Variants in SLC4A11 observed in about 807,000 individuals in gnomAD.
The protein encoded by SLC4A11 is solute carrier family 4 member 11, also known as bicarbonate transporter related protein 1.
In SLC4A11, 74 loss-of-function variants were observed where a neutral mutation model predicts 95.0. That is an observed-to-expected ratio of 0.78 (90% CI 0.65 to 0.95). SLC4A11 has a LOEUF of 0.95. Ranked by LOEUF, SLC4A11 falls within the 40% of genes least tolerant of loss-of-function variation. The probability of loss-of-function intolerance (pLI) is 0.00; values close to 1 mark genes in which losing one functional copy is unlikely to be tolerated. For synonymous variants in SLC4A11, 548 were observed against 519.0 expected (o/e 1.06, Z -0.76); for missense variants, 1,081 against 1,192.4 (o/e 0.91, Z 1.38).
At chr20:3,238,908 A>AAGCCGCGC in intron 1 of SLC4A11, 187 bp downstream of exon 1, 1 of 1,255,644 alleles carries the variant, frequency 8.0e-7, no homozygotes, top group Non-Finnish European at 1.0e-6. Flanking sequence ...GGTGGCCGCG[A>AAGCCGCGC]AGCCGCGCCC....
At chr20:3,236,977 G>C (rs900146863) in intron 2 of SLC4A11, among the ~76,000 whole-genome samples, 1 of 152,152 alleles carries the variant, frequency 6.6e-6, no homozygotes, top group South Asian at 2.1e-4. Context: ...TGTCCTGAGG[G>C]CTCTGGGTAA....
chr20:3,239,463 C>T, upstream of SLC4A11: 2 of 1,031,574 alleles, frequency 1.9e-6, no homozygotes, highest in Non-Finnish European at 2.3e-6. Flanking sequence ...GCAGACCCAG[C>T]GTCGCGAGTT....
rs533752647 is a variant in SLC4A11 at position 3,229,184 on chromosome 20, G to A, written c.1929C>T (p.Ser643=). The stretch of plus-strand genomic sequence containing the variant: ...GCAGGAAGCCGAGGCCCATGGCACC[G>A]CTGACGGCCCTCAGGGACAGCGACT... ...QIQSLSLRAV[S]GAMGLGFLLS... The change falls in exon 16 of 20, where the codon AGC becomes AGT. Residue 643 remains serine, a synonymous_variant. Transcript: ENST00000642402. The A allele has an allele frequency of 2.9e-5, 47 of 1,612,336 alleles. No individual in the cohort carries two copies. The highest frequency in any genetic ancestry group is 2.8e-4 in the African/African-American group (21 of 75,010).
chr20:3,239,055 G>A (rs768323496), intron 1 of SLC4A11, 40 bp downstream of exon 1: 3 of 1,469,774 alleles, frequency 2.0e-6, no homozygotes, highest in South Asian at 2.6e-5. Context: ...GCGGAGACCC[G>A]GGCGGCCTTC....
At chr20:3,229,032 T>G in intron 16 of SLC4A11, 21 bp from the exon 17 acceptor site, 1 of 1,609,490 alleles carries the variant, frequency 6.2e-7, no homozygotes, top group Admixed American at 1.7e-5. Flanking sequence ...CGGGCACTCG[T>G]GGACAGAGCC....
At chr20:3,232,135 G>C (rs1195198230) in intron 7 of SLC4A11, among the ~76,000 whole-genome samples, 1 of 152,250 alleles carries the variant, frequency 6.6e-6, no homozygotes, top group East Asian at 1.9e-4. Context: ...TGTGATCACA[G>C]ATAATGAAAC....
chr20:3,237,964 G>A (rs1488364730), intron 1 of SLC4A11: 21 of 1,550,370 alleles, frequency 1.4e-5, no homozygotes, highest in Non-Finnish European at 1.8e-5. Flanking sequence ...CCGGGCCCGA[G>A]CGGGCCTCTC....
At position 3,234,838 on chromosome 20, in the gene SLC4A11, C is replaced by T. The variant is rs776796677; in HGVS notation, c.145G>A (p.Asp49Asn). The change falls in exon 3 of 20, where the codon GAT (aspartate) becomes AAT (asparagine). Residue 49 changes from aspartate to asparagine, a missense_variant. This residue lies in a region of SLC4A11 where 310 missense variants were observed against 313.5 expected (regional missense o/e 0.99). Coordinates refer to ENST00000642402, the MANE Select transcript of SLC4A11 (RefSeq NM_001174089.2). The surrounding 1 kb of genome is among the most constrained non-coding windows in gnomAD (Gnocchi z 5.8). ...TFEAREEILG[D>N]EAFDTANSSI... ...GAGTTGGCAGTGTCGAAGGCCTCATCCCCCAGGATCTCCTCTCGGGCTTCG... is the reference window on the plus strand; with the variant it reads ...GAGTTGGCAGTGTCGAAGGCCTCATTCCCCAGGATCTCCTCTCGGGCTTCG... 4.3e-6 allele frequency: 7 copies of T among 1,613,944 alleles called. No homozygotes were observed. The highest frequency in any genetic ancestry group is 1.1e-5 in the South Asian group (1 of 91,082).
At position 3,228,887 on chromosome 20, in the gene SLC4A11, C is replaced by T; in HGVS notation, c.2143G>A (p.Ala715Thr). 6.2e-7 allele frequency: 1 copy of T among 1,613,958 alleles called. No homozygotes were observed. Among genetic ancestry groups the T allele is most frequent in the Non-Finnish European group, 8.5e-7 (1 of 1,180,032 alleles). Reference sequence around the variant, plus strand: ...ACACGCTCCTCCACTAAGGCCAGGGCTCGCACGTGCAGCGGGGAGTGGGGG... The same window carrying T: ...ACACGCTCCTCCACTAAGGCCAGGGTTCGCACGTGCAGCGGGGAGTGGGGG... ...AYPHSPLHVR[A>T]LALVEERVEN... is the part of the protein sequence containing the mutation. Residue 715 changes from alanine to threonine, a missense_variant, in exon 17 of 20, where the codon GCC becomes ACC. Physicochemically the swap from Ala to Thr is moderately conservative, Grantham distance 58. Transcript: ENST00000642402.
rs1447629429 is a variant in SLC4A11 at position 3,233,998 on chromosome 20, G to A, written c.528C>T (p.His176=). ...DAGAPMRGKV[H]LLSDTIQGVT... ...CCCCTTGGATGGTATCTGACAGCAG[G>A]TGGACTGAGGAAAGAGTGAGGGGGA... Residue 176 remains histidine, a synonymous_variant, in exon 6 of 20, where the codon CAC becomes CAT. Coordinates refer to ENST00000642402, the MANE Select transcript of SLC4A11 (RefSeq NM_001174089.2). 2 of 1,613,938 alleles carry A rather than the reference G, an allele frequency of 1.2e-6. No homozygotes were observed. Among genetic ancestry groups the A allele is most frequent in the East Asian group, 2.2e-5 (1 of 44,874 alleles).
chr20:3,233,648 C>T lies in SLC4A11; in HGVS notation c.606-11G>A, dbSNP rs373065716. 2.2e-5 allele frequency: 36 copies of T among 1,611,168 alleles called. No homozygotes were observed. The highest frequency in any genetic ancestry group is 7.7e-5 in the South Asian group (7 of 91,078). On this transcript the variant is annotated splice_polypyrimidine_tract_variant and intron_variant, in intron 6 of 19. Coordinates refer to ENST00000642402, the MANE Select transcript of SLC4A11 (RefSeq NM_001174089.2). ...GCCTTCATGGTACAGCTGGCAGGGG[C>T]GGGGAGGACACAGTGCACAGTTGCA...
chr20:3,235,254 G>A (rs1041596157), intron 2 of SLC4A11, among the ~76,000 whole-genome samples: 5 of 151,810 alleles, frequency 3.3e-5, no homozygotes, highest in African/African-American at 1.2e-4. Context: ...GGAACACAGG[G>A]AAGGCAGAGA....
Position 3,229,487 on chromosome 20 carries a change from C to T in SLC4A11, c.1743-35G>A, listed in dbSNP as rs1286976623. 3 of 1,612,708 alleles carry T rather than the reference C, an allele frequency of 1.9e-6. No homozygotes were observed. The African/African-American group carries it at 4.0e-5, about 22-fold the overall frequency. On this transcript the variant is annotated intron_variant, in intron 14 of 19. Transcript: ENST00000642402. ...GCAGGTGCATGAGCACAGCCTTTGA[C>T]CCATGCGGCCCCTCCCCTCCCCATG...
At chr20:3,238,178 G>A in intron 1 of SLC4A11, 1 of 1,436,790 alleles carries the variant, frequency 7.0e-7, no homozygotes, top group South Asian at 1.5e-5. Flanking sequence ...CAGAGCCGTT[G>A]GTCCAAAAGG....
chr20:3,234,956 C>T lies in SLC4A11; in HGVS notation c.89-62G>A, dbSNP rs2067922244. The T allele has an allele frequency of 1.2e-6, 2 of 1,606,398 alleles. No homozygotes were observed. The highest frequency in any genetic ancestry group is 1.7e-6 in the Non-Finnish European group (2 of 1,174,276). The stretch of plus-strand genomic sequence containing the variant: ...AAGTGCCACACACAGGAAGGAGGGG[C>T]TCCAAGCCCAGGGAGCAGGGACCCC... On this transcript the variant is annotated intron_variant, in intron 2 of 19. Transcript: ENST00000642402. The surrounding 1 kb of genome is among the most constrained non-coding windows in gnomAD (Gnocchi z 5.8).
At chr20:3,228,151 C>T in intron 19 of SLC4A11, 108 bp downstream of exon 19, 1 of 961,322 alleles carries the variant, frequency 1.0e-6, no homozygotes, top group South Asian at 1.4e-5. Flanking sequence ...CCCCAACCCG[C>T]CCATTCTCCG....
chr20:3,230,279 C>T lies in SLC4A11; in HGVS notation c.1416-19G>A, dbSNP rs2067710826. 6.2e-7 allele frequency: 1 copy of T among 1,613,350 alleles called. No homozygotes were observed. The highest frequency in any genetic ancestry group is 8.5e-7 in the Non-Finnish European group (1 of 1,179,962). On this transcript the variant is annotated intron_variant, in intron 12 of 19. Coordinates refer to ENST00000642402, the MANE Select transcript of SLC4A11 (RefSeq NM_001174089.2). ...CGTCGACCTGCCAGGAGGCCATGAGCCTCATCAGAGTGGGTGTGGTCAGGG... is the reference window on the plus strand; with the variant it reads ...CGTCGACCTGCCAGGAGGCCATGAGTCTCATCAGAGTGGGTGTGGTCAGGG...
In SLC4A11 at chr20:3,227,637, A is replaced by G; in HGVS notation, c.*150T>C. 1.3e-6 allele frequency: 1 copy of G among 788,320 alleles called. No individual in the cohort carries two copies. The highest frequency in any genetic ancestry group is 1.5e-5 in the South Asian group (1 of 66,734). 48.8% of individuals were successfully genotyped at this position (788,320 alleles called of 1,614,324 possible). A position where few individuals can be genotyped will look rare whatever the true frequency, so the allele number is the denominator to read the frequency against. On this transcript the variant is annotated 3_prime_UTR_variant, in exon 20 of 20. Coordinates refer to ENST00000642402, the MANE Select transcript of SLC4A11 (RefSeq NM_001174089.2). ...GGTGGGCACATACCACTGCACCCCT[A>G]CAATGCCCAGATGCCCCAGGCCTGA...
intron 1 of SLC4A11, 181 bp from the exon 2 acceptor site, chr20:3,237,769 G>A: frequency 6.2e-7 from 1 of 1,611,916 alleles, no homozygotes; most frequent in Admixed American, 1.7e-5. Context: ...CCATAGCAGG[G>A]GAAGCCAGCC....
Sources: allele counts gnomAD v4.1 joint callset (sites outside exome capture counted in the v4.1 genomes callset), GRCh38; gene constraint gnomAD v4.1.1; regional missense constraint gnomAD v4.1.1; non-coding constraint Gnocchi (gnomAD v3.1); transcripts MANE v1.5; gene names NCBI Gene and HGNC (gene_info 2026-07-23, HGNC 2026-07-21).